WDFY3: variants seen among roughly 807,000 people sequenced by gnomAD.
WDFY3 encodes WD repeat and FYVE domain containing 3, also known as WD repeat and FYVE domain-containing protein 3.
WDFY3 carries 66 observed loss-of-function variants against 409.6 expected under a neutral mutation model. That is an observed-to-expected ratio of 0.16 (90% CI 0.13 to 0.20). The LOEUF is 0.20. WDFY3 is among the 10% of genes least tolerant of loss of function. WDFY3 has a pLI of 1.00. For missense variants in WDFY3, 3,031 were observed against 4,298.1 expected, an observed-to-expected ratio of 0.71 and a Z score of 8.24; for synonymous variants, 1,521 against 1,537.1, an observed-to-expected ratio of 0.99 and a Z score of 0.25.
At chr4:84,890,102 C>CT (rs555819588) in intron 3 of WDFY3, among the ~76,000 whole-genome samples, 3 of 151,638 alleles carry the variant, frequency 2.0e-5, no homozygotes, top group Admixed American at 6.6e-5. Flanking sequence ...CTTGCCCCAG[C>CT]TTTTTTTTAT....
intron 50 of WDFY3, 28 bp downstream of exon 50, chr4:84,715,270 T>C (rs1733664470): frequency 4.4e-6 from 6 of 1,358,260 alleles, no homozygotes; most frequent in Non-Finnish European, 5.2e-6. Flanking sequence ...CCCATAATAG[T>C]ATACAAAGTG....
intron 36 of WDFY3, among the ~76,000 whole-genome samples, chr4:84,744,852 C>CAAAAAAAAA (rs1165273561): frequency 2.5e-4 from 4 of 15,746 alleles, no homozygotes; most frequent in African/African-American, 7.4e-4. Flanking sequence ...GACTCCGTCT[C>CAAAAAAAAA]AAAAAAAAAA....
intron 10 of WDFY3, among the ~76,000 whole-genome samples, chr4:84,826,289 T>C: frequency 2.0e-5 from 3 of 152,364 alleles, no homozygotes; most frequent in Middle Eastern, 6.8e-3. Context: ...TTTGGTATTT[T>C]AAGTAATCTA....
chr4:84,813,937 A>T (rs1752890967), intron 13 of WDFY3, among the ~76,000 whole-genome samples: 1 of 152,226 alleles, frequency 6.6e-6, no homozygotes, highest in Non-Finnish European at 1.5e-5. Context: ...TAAGATGCAT[A>T]TTCAAAATTG....
chr4:84,727,400 C>T (rs1310209301), intron 44 of WDFY3, among the ~76,000 whole-genome samples: 1 of 152,140 alleles, frequency 6.6e-6, no homozygotes, highest in Non-Finnish European at 1.5e-5. Context: ...ATACCACAGA[C>T]ATCATTCTCT....
Position 84,718,440 on chromosome 4 carries a change from A to C in WDFY3, c.7736T>G (p.Ile2579Ser). Reference protein sequence around the residue: ...TMTATREIRDIETLPPNMHEP... With the variant: ...TMTATREIRDSETLPPNMHEP... ...TACTTACTTTGGAGGTAAGGTTTCA[A>C]TATCTCTTATTTCCCTGGTTGCTGT... is the stretch of plus-strand genomic sequence containing the variant. Residue 2579 changes from isoleucine (I) to serine (S), a missense_variant, in exon 48 of 68, where the codon ATT (isoleucine) becomes AGT (serine). Physicochemically the swap from Ile to Ser is moderately radical, Grantham distance 142 (BLOSUM62 -2). Around this residue, in one of 16 missense-constraint regions of WDFY3, gnomAD observed 40 missense variants for 54.2 expected, o/e 0.74. Transcript: ENST00000295888. 1 of 1,613,734 alleles carries C rather than the reference A, an allele frequency of 6.2e-7. No homozygotes were observed. The highest frequency in any genetic ancestry group is 8.5e-7 in the Non-Finnish European group (1 of 1,179,814).
At chr4:84,820,057 A>C (rs1753835190) in intron 12 of WDFY3, 28 bp downstream of exon 12, 2 of 1,563,242 alleles carry the variant, frequency 1.3e-6, no homozygotes, top group Non-Finnish European at 1.7e-6. Flanking sequence ...AATCTCCCAA[A>C]GTATTTGCTT....
chr4:84,875,945 T>C (rs1762726190), intron 3 of WDFY3, among the ~76,000 whole-genome samples: 1 of 152,198 alleles, frequency 6.6e-6, no homozygotes, highest in South Asian at 2.1e-4. Context: ...AGTTTTCTTT[T>C]TATAAGTGGG....
At chr4:84,960,794 G>GTTTTA (rs1170799286) in intron 1 of WDFY3, among the ~76,000 whole-genome samples, 24 of 152,256 alleles carry the variant, frequency 1.6e-4, no homozygotes, top group African/African-American at 5.1e-4. Flanking sequence ...TCTTCTAAGG[G>GTTTTA]TTTTATTTCA....
At chr4:84,964,806 C>T (rs1392116291) in intron 1 of WDFY3, among the ~76,000 whole-genome samples, 2 of 152,082 alleles carry the variant, frequency 1.3e-5, no homozygotes, top group African/African-American at 2.4e-5. Flanking sequence ...ACAGGCATGA[C>T]CCACTGTGAC....
intron 36 of WDFY3, among the ~76,000 whole-genome samples, chr4:84,749,565 G>A (rs888451382): frequency 1.3e-5 from 2 of 152,086 alleles, no homozygotes. Context: ...CTTCAACCTA[G>A]TTTTATTATA....
At chr4:84,748,969 G>C (rs1343798825) in intron 36 of WDFY3, among the ~76,000 whole-genome samples, 1 of 151,512 alleles carries the variant, frequency 6.6e-6, no homozygotes, top group Non-Finnish European at 1.5e-5. Flanking sequence ...ACGGCTCACT[G>C]CAACTTTGAA....
chr4:84,804,496 T>C (rs1032789832), intron 15 of WDFY3, among the ~76,000 whole-genome samples: 2 of 152,186 alleles, frequency 1.3e-5, no homozygotes, highest in African/African-American at 2.4e-5. Context: ...GCTTTACTTA[T>C]AAAAAGGCAC....
chr4:84,922,951 T>C lies in WDFY3; in HGVS notation c.-132+9319A>G, dbSNP rs72947592. On this transcript the variant is annotated intron_variant, in intron 2 of 67. Coordinates refer to ENST00000295888, the MANE Select transcript of WDFY3 (RefSeq NM_014991.6). The stretch of plus-strand genomic sequence containing the variant: ...GTATATTGCTTAAAGCATTAAATGA[T>C]AGCTAAAAATCGAAGTGTTTGGCCT... 2.6e-3 allele frequency among the ~76,000 whole-genome samples: 392 copies of C among 152,332 alleles called. 1 individual carries two copies. Among genetic ancestry groups the C allele is most frequent in the African/African-American group, 9.0e-3 (374 of 41,576 alleles).
At chr4:84,893,088 G>A (rs183832746) in intron 3 of WDFY3, among the ~76,000 whole-genome samples, 1 of 152,268 alleles carries the variant, frequency 6.6e-6, no homozygotes, top group African/African-American at 2.4e-5. Flanking sequence ...GAGAAGGGGA[G>A]AGTGTTAAGC....
chr4:84,753,688 C>A lies in WDFY3; in HGVS notation c.5739+9G>T. 1.9e-6 allele frequency: 3 copies of A among 1,552,210 alleles called. No individual in the cohort carries two copies. Among genetic ancestry groups the A allele is most frequent in the Non-Finnish European group, 2.6e-6 (3 of 1,151,614 alleles). Reference sequence around the variant, plus strand: ...TTCCAGTTCTGACATTTTCCTCCCCCTTTCCTACCATCTCTGAGTAAGGGC... The same window carrying A: ...TTCCAGTTCTGACATTTTCCTCCCCATTTCCTACCATCTCTGAGTAAGGGC... On this transcript the variant is annotated intron_variant, in intron 35 of 67. Transcript: ENST00000295888.
chr4:84,732,582 TTTGA>T (rs1736783582), intron 44 of WDFY3, among the ~76,000 whole-genome samples: 1 of 152,120 alleles, frequency 6.6e-6, no homozygotes, highest in African/African-American at 2.4e-5. Flanking sequence ...TGTTTCTGAG[TTTGA>T]TTGTTTTAGA....
At chr4:84,697,789 A>G (rs1730371013) in intron 56 of WDFY3, among the ~76,000 whole-genome samples, 2 of 152,388 alleles carry the variant, frequency 1.3e-5, no homozygotes, top group Admixed American at 1.3e-4. Flanking sequence ...CTTGTTCTGG[A>G]AATTTTCATA....
chr4:84,788,133 G>A (rs1010419062), intron 22 of WDFY3, among the ~76,000 whole-genome samples: 3 of 152,126 alleles, frequency 2.0e-5, no homozygotes, highest in African/African-American at 7.2e-5. Flanking sequence ...CTGATGAAAA[G>A]CGTTTTATAG....
Sources: gnomAD v4.1 joint callset for allele counts (sites outside exome capture counted in the v4.1 genomes callset) on GRCh38, gnomAD v4.1.1 for gene constraint, gnomAD v4.1.1 regional missense constraint, MANE v1.5 for transcripts, NCBI Gene and HGNC (gene_info 2026-07-23, HGNC 2026-07-21) for gene names.